The following BACH2 variants were observed in gnomAD, a reference collection of about 807,000 sequenced individuals.
BACH2 encodes transcription regulator protein BACH2.
BACH2 carries 5 observed loss-of-function variants against 61.8 expected under a neutral mutation model. That is an observed-to-expected ratio of 0.08 (90% CI 0.04 to 0.17). The LOEUF is 0.17. Among genes scored for constraint, BACH2 ranks in the 10% least tolerant of loss-of-function variants. The pLI is 1.00. For synonymous variants in BACH2, 446 were observed against 440.1 expected (o/e 1.01, Z -0.17); for missense variants, 824 against 1,091.1 (o/e 0.76, Z 3.45).
At chr6:90,254,653 GAC>G (rs1770920449) in intron 2 of BACH2, among the ~76,000 whole-genome samples, 1 of 151,970 alleles carries the variant, frequency 6.6e-6, no homozygotes, top group Non-Finnish European at 1.5e-5. Flanking sequence ...ATATTTAAGA[GAC>G]ATTTCCTCTT....
At position 90,009,451 on chromosome 6, in the gene BACH2, A is replaced by C. The variant is rs149607036; in HGVS notation, c.-12-595T>G. Among the ~76,000 whole-genome samples, 67 of 152,360 alleles carry C rather than the reference A, an allele frequency of 4.4e-4. No individual in the cohort carries two copies. The East Asian group carries it at 0.013, about 29-fold the overall frequency. On this transcript the variant is annotated intron_variant, in intron 5 of 8. Coordinates refer to ENST00000257749, the MANE Select transcript of BACH2 (RefSeq NM_021813.4). The stretch of plus-strand genomic sequence containing the variant: ...TCAGCTATTGCATCTGCCCTCTGCC[A>C]CTTCAAGGCAAAGCACAATTGCCAT...
At chr6:90,254,104 A>G (rs1196952080) in intron 2 of BACH2, among the ~76,000 whole-genome samples, 2 of 152,090 alleles carry the variant, frequency 1.3e-5, no homozygotes, top group African/African-American at 4.8e-5. Context: ...GACATAAAAG[A>G]ATGATCTCCA....
chr6:89,979,681 A>G (rs780885038), intron 6 of BACH2, among the ~76,000 whole-genome samples: 3 of 152,328 alleles, frequency 2.0e-5, no homozygotes, highest in Non-Finnish European at 2.9e-5. Flanking sequence ...TTGATGATAA[A>G]TATCTGTTCA....
chr6:90,296,188 T>C (rs528375637), intron 1 of BACH2, among the ~76,000 whole-genome samples: 1 of 151,876 alleles, frequency 6.6e-6, no homozygotes. Flanking sequence ...AAAACACCCT[T>C]CGACGCCAGC....
At chr6:89,955,172 T>C (rs1453627959) in intron 6 of BACH2, among the ~76,000 whole-genome samples, 1 of 152,236 alleles carries the variant, frequency 6.6e-6, no homozygotes, top group Non-Finnish European at 1.5e-5. Flanking sequence ...TTATCCATGG[T>C]CAGTGCTAGT....
chr6:90,213,861 C>CAT (rs1769438557), intron 3 of BACH2, among the ~76,000 whole-genome samples: 1 of 152,122 alleles, frequency 6.6e-6, no homozygotes, highest in African/African-American at 2.4e-5. Context: ...TCCTTTCATT[C>CAT]TCTCCTCTTC....
At chr6:90,020,436 A>G (rs773483521) in intron 5 of BACH2, among the ~76,000 whole-genome samples, 1 of 152,068 alleles carries the variant, frequency 6.6e-6, no homozygotes, top group Non-Finnish European at 1.5e-5. Context: ...GGTTTGTTAC[A>G]AAAGTCACTT....
At chr6:90,281,633 T>C (rs1267310771) in intron 1 of BACH2, among the ~76,000 whole-genome samples, 1 of 152,236 alleles carries the variant, frequency 6.6e-6, no homozygotes, top group East Asian at 1.9e-4. Flanking sequence ...TAGTTTTGCA[T>C]GCTTTTGAAC....
intron 3 of BACH2, among the ~76,000 whole-genome samples, chr6:90,211,620 G>A (rs1769356135): frequency 6.6e-6 from 1 of 151,426 alleles, no homozygotes; most frequent in Admixed American, 6.6e-5. Context: ...GTGTGTGTGT[G>A]TGTGTGTGTG....
At chr6:90,005,888 A>G (rs1777378934) in intron 6 of BACH2, among the ~76,000 whole-genome samples, 1 of 152,378 alleles carries the variant, frequency 6.6e-6, no homozygotes, top group African/African-American at 2.4e-5. Flanking sequence ...GATGATAATC[A>G]TTTTACAGGG....
In BACH2 at chr6:90,272,944, T is replaced by C. The variant is rs185210556; in HGVS notation, c.-445-1003A>G. On this transcript the variant is annotated intron_variant, in intron 1 of 8. Coordinates refer to ENST00000257749, the MANE Select transcript of BACH2 (RefSeq NM_021813.4). ...CTCATCACCCCTCTAACAAGCAACC[T>C]GCATTGCCCAGTAGAGAGAAAACAA... Among the ~76,000 whole-genome samples the C allele has an allele frequency of 2.0e-3, 312 of 152,306 alleles. 1 individual carries two copies. Among genetic ancestry groups the C allele is most frequent in the African/African-American group, 7.2e-3 (298 of 41,562 alleles).
chr6:90,123,326 T>C (rs1183994577), intron 4 of BACH2, among the ~76,000 whole-genome samples: 1 of 152,010 alleles, frequency 6.6e-6, no homozygotes, highest in East Asian at 1.9e-4. Context: ...CCTGAAGCCT[T>C]TGGAGGAAGT....
At chr6:90,137,416 T>G (rs1267839573) in intron 4 of BACH2, among the ~76,000 whole-genome samples, 2 of 152,170 alleles carry the variant, frequency 1.3e-5, no homozygotes, top group African/African-American at 4.8e-5. Flanking sequence ...CATAAATCTA[T>G]TAGCTTGAAC....
intron 5 of BACH2, among the ~76,000 whole-genome samples, chr6:90,016,108 A>G (rs564757862): frequency 3.3e-5 from 5 of 152,274 alleles, no homozygotes; most frequent in Non-Finnish European, 7.4e-5. Flanking sequence ...TTAGCACAGT[A>G]TATCTTTTTC....
rs1306932577 is a variant in BACH2, at chr6:90,164,421, A to G, written c.-162+42148T>C. ...GGTTCTGAAATTGAGGCAATAATTA[A>G]TAGCTTACCAACCAAAAAAAGTCCA... On this transcript the variant is annotated intron_variant, in intron 4 of 8. Transcript: ENST00000257749. Among the ~76,000 whole-genome samples, 3 of 152,090 alleles carry G rather than the reference A, an allele frequency of 2.0e-5. No homozygotes were observed. The East Asian group carries it at 5.8e-4, about 29-fold the overall frequency.
intron 4 of BACH2, among the ~76,000 whole-genome samples, chr6:90,131,714 T>G (rs1002950690): frequency 2.6e-5 from 4 of 152,228 alleles, no homozygotes; most frequent in African/African-American, 9.6e-5. Context: ...AACAATCACA[T>G]GTAGCGTGAC....
chr6:90,078,271 G>A (rs1207555149), intron 5 of BACH2, among the ~76,000 whole-genome samples: 3 of 151,980 alleles, frequency 2.0e-5, no homozygotes, highest in Non-Finnish European at 4.4e-5. Context: ...ACACCAGCAG[G>A]TACTACAATT....
intron 3 of BACH2, among the ~76,000 whole-genome samples, chr6:90,212,147 T>C (rs1004968500): frequency 6.6e-6 from 1 of 152,226 alleles, no homozygotes; most frequent in Non-Finnish European, 1.5e-5. Context: ...GTAATTCACA[T>C]GGCTTTGAAG....
intron 5 of BACH2, among the ~76,000 whole-genome samples, chr6:90,038,408 T>C (rs2127790218): frequency 1.3e-5 from 2 of 152,322 alleles, no homozygotes; most frequent in Admixed American, 1.3e-4. Context: ...AAATAATATA[T>C]AATTTTTTGT....
Sources: allele counts gnomAD v4.1 joint callset (sites outside exome capture counted in the v4.1 genomes callset), GRCh38; gene constraint gnomAD v4.1.1; transcripts MANE v1.5; gene names NCBI Gene and HGNC (gene_info 2026-07-23, HGNC 2026-07-21).